ARMH4: variants seen among roughly 807,000 people sequenced by gnomAD.
ARMH4 encodes the protein armadillo-like helical domain-containing protein 4.
A neutral mutation model predicts 61.9 loss-of-function variants in ARMH4; 49 were observed. The observed-to-expected ratio is 0.79, with a 90% CI of 0.63 to 1.00. The LOEUF (loss-of-function observed/expected upper bound fraction) is 1.00. Among genes scored for constraint, ARMH4 ranks in the 50% least tolerant of loss-of-function variants. The probability of loss-of-function intolerance (pLI) is 0.00; values close to 1 mark genes in which losing one functional copy is unlikely to be tolerated. For synonymous variants in ARMH4, 368 were observed against 341.5 expected, an observed-to-expected ratio of 1.08 and a Z score of -0.85; for missense variants, 934 against 930.0, an observed-to-expected ratio of 1.00 and a Z score of -0.06.
intron 5 of ARMH4, among the ~76,000 whole-genome samples, chr14:58,043,030 G>C (rs970886749): frequency 6.6e-6 from 1 of 152,180 alleles, no homozygotes; most frequent in East Asian, 1.9e-4. Context: ...CAGGTACAAG[G>C]AGGAGGTGGT....
At chr14:58,141,834 G>C (rs1039216211) in intron 1 of ARMH4, among the ~76,000 whole-genome samples, 7 of 152,204 alleles carry the variant, frequency 4.6e-5, no homozygotes, top group South Asian at 2.1e-4. Context: ...AAAGTTACAG[G>C]CAAAACATGT....
intron 5 of ARMH4, among the ~76,000 whole-genome samples, chr14:58,044,935 T>C (rs563004739): frequency 3.2e-4 from 49 of 152,232 alleles, no homozygotes; most frequent in African/African-American, 1.2e-3. Flanking sequence ...CCAGTTAGAA[T>C]GGTGATCATT....
chr14:58,059,500 G>C (rs1884460961), intron 5 of ARMH4, among the ~76,000 whole-genome samples: 1 of 152,224 alleles, frequency 6.6e-6, no homozygotes, highest in South Asian at 2.1e-4. Flanking sequence ...GCCTTCCCAA[G>C]ATCTAGAGAA....
intron 4 of ARMH4, among the ~76,000 whole-genome samples, chr14:58,099,705 A>G (rs886256204): frequency 5.9e-5 from 9 of 152,130 alleles, no homozygotes; most frequent in Non-Finnish European, 1.5e-5. Flanking sequence ...AGAAAATAGA[A>G]CCTGCTTGTA....
At chr14:58,079,035 T>C (rs1006311359) in intron 5 of ARMH4, among the ~76,000 whole-genome samples, 7 of 152,250 alleles carry the variant, frequency 4.6e-5, no homozygotes, top group Non-Finnish European at 8.8e-5. Flanking sequence ...TGCTTGGGAA[T>C]GTTGCAGCTA....
intron 5 of ARMH4, among the ~76,000 whole-genome samples, chr14:58,038,563 TA>T (rs71107906): frequency 0.02 from 2,716 of 135,220 alleles, 56 homozygotes; most frequent in Non-Finnish European, 0.02. Flanking sequence ...AAAAAAAAAT[TA>T]AAAAAAAAAA....
chr14:58,133,502 G>GT (rs1353438572), intron 2 of ARMH4, among the ~76,000 whole-genome samples, 161 bp from the exon 3 acceptor site: 2 of 152,102 alleles, frequency 1.3e-5, no homozygotes, highest in Non-Finnish European at 2.9e-5. Flanking sequence ...GTAAATAAAT[G>GT]TTTTCTCTGT....
At chr14:58,031,582 T>G (rs888024998) in intron 5 of ARMH4, among the ~76,000 whole-genome samples, 4 of 152,210 alleles carry the variant, frequency 2.6e-5, no homozygotes, top group African/African-American at 4.8e-5. Flanking sequence ...CCAAGACTTG[T>G]GCGAGGTTTT....
At position 58,048,889 on chromosome 14, in the gene ARMH4, T is replaced by A. The variant is rs150249485; in HGVS notation, c.2090-36739A>T. Among the ~76,000 whole-genome samples, 656 of 152,210 alleles carry A rather than the reference T, an allele frequency of 4.3e-3. 4 individuals are homozygous for A. Among genetic ancestry groups the A allele is most frequent in the African/African-American group, 0.014 (601 of 41,540 alleles). ...AAATGGGAAAACGAACCTACTGAAC[T>A]TCTGATCAAAATACATTAAGCCTCA... On this transcript the variant is annotated intron_variant, in intron 5 of 7. Transcript: ENST00000267485.
At chr14:58,056,662 C>A (rs1594727509) in intron 5 of ARMH4, among the ~76,000 whole-genome samples, 1 of 152,132 alleles carries the variant, frequency 6.6e-6, no homozygotes, top group South Asian at 2.1e-4. Context: ...ATGCAAGCCT[C>A]GGGCTGAAGT....
intron 5 of ARMH4, among the ~76,000 whole-genome samples, chr14:58,093,406 G>A (rs765254000): frequency 6.6e-6 from 1 of 152,098 alleles, no homozygotes; most frequent in Non-Finnish European, 1.5e-5. Context: ...TCCCCAGGCT[G>A]TCCTCAAACT....
chr14:58,040,408 T>C (rs1368380818), intron 5 of ARMH4, among the ~76,000 whole-genome samples: 1 of 152,216 alleles, frequency 6.6e-6, no homozygotes, highest in African/African-American at 2.4e-5. Flanking sequence ...AGTGAGAATA[T>C]GCAGGATTTG....
intron 3 of ARMH4, 136 bp downstream of exon 3, chr14:58,132,954 A>G (rs1887166805): frequency 2.3e-6 from 2 of 870,802 alleles, no homozygotes; most frequent in Non-Finnish European, 3.6e-6. Flanking sequence ...TTTCCAGGTA[A>G]AGGTGTGTGT....
chr14:58,043,879 C>G (rs888344032), intron 5 of ARMH4, among the ~76,000 whole-genome samples: 2 of 152,112 alleles, frequency 1.3e-5, no homozygotes, highest in Non-Finnish European at 2.9e-5. Flanking sequence ...AATGAAATAC[C>G]TAGGAATCCA....
rs1158669133 is a variant in ARMH4 at position 58,030,292 on chromosome 14, G to GGCCA, written c.2090-18146_2090-18143dup. On this transcript the variant is annotated intron_variant, in intron 5 of 7. Transcript: ENST00000267485. Reference sequence around the variant, plus strand: ...TCCCTGCTGCCCAGCATTACAGGCAGGCCAGCCAGCCTAGATGGCCAGAAA... The same window carrying GGCCA: ...TCCCTGCTGCCCAGCATTACAGGCAGGCCAGCCAGCCAGCCTAGATGGCCAGAAA... 3.3e-5 allele frequency among the ~76,000 whole-genome samples: 5 copies of GGCCA among 152,166 alleles called. No homozygotes were observed. The East Asian group carries it at 9.6e-4, about 29-fold the overall frequency.
At chr14:58,066,405 G>C (rs1300351136) in intron 5 of ARMH4, among the ~76,000 whole-genome samples, 1 of 152,126 alleles carries the variant, frequency 6.6e-6, no homozygotes, top group African/African-American at 2.4e-5. Context: ...CCAGGGCTGG[G>C]GCAGAGGAGA....
intron 1 of ARMH4, among the ~76,000 whole-genome samples, chr14:58,149,044 A>T (rs530882596): frequency 6.6e-6 from 1 of 152,198 alleles, no homozygotes; most frequent in African/African-American, 2.4e-5. Flanking sequence ...GTGTCTTAAC[A>T]ATCTTTCCAC....
intron 5 of ARMH4, among the ~76,000 whole-genome samples, chr14:58,089,738 A>G (rs1213228833): frequency 6.6e-6 from 1 of 152,256 alleles, no homozygotes; most frequent in Non-Finnish European, 1.5e-5. Flanking sequence ...GTGTGAGGAC[A>G]GCAAGGCTGA....
chr14:58,055,666 A>AC (rs891570998), intron 5 of ARMH4, among the ~76,000 whole-genome samples: 1 of 151,866 alleles, frequency 6.6e-6, no homozygotes, highest in Non-Finnish European at 1.5e-5. Flanking sequence ...AATCTCAGTC[A>AC]CCCCCCACCC....
Sources: gnomAD v4.1 joint callset for allele counts (sites outside exome capture counted in the v4.1 genomes callset) on GRCh38, gnomAD v4.1.1 for gene constraint, MANE v1.5 for transcripts, NCBI Gene and HGNC (gene_info 2026-07-23, HGNC 2026-07-21) for gene names.